The following RELN variants were observed in gnomAD, a reference collection of about 807,000 sequenced individuals.
RELN encodes the protein reelin.
A neutral mutation model predicts 427.6 loss-of-function variants in RELN; 108 were observed. That is an observed-to-expected ratio of 0.25 (90% CI 0.22 to 0.30). The LOEUF (loss-of-function observed/expected upper bound fraction) is 0.30, where lower values mean the gene tolerates loss of function less well. RELN is among the 10% of genes least tolerant of loss of function. The pLI, the probability that RELN is intolerant of heterozygous loss-of-function variation, is 1.00. For synonymous variants in RELN, 1,524 were observed against 1,513.4 expected, an observed-to-expected ratio of 1.01 and a Z score of -0.16; for missense variants, 3,715 against 4,302.8, an observed-to-expected ratio of 0.86 and a Z score of 3.82.
intron 1 of RELN, among the ~76,000 whole-genome samples, chr7:103,963,189 G>A (rs1050987279): frequency 7.6e-6 from 1 of 132,274 alleles, no homozygotes; most frequent in African/African-American, 3.0e-5. Context: ...TCATTCCTCT[G>A]TCTTCGCTTT....
chr7:103,528,400 A>T (rs1401244305), intron 46 of RELN, among the ~76,000 whole-genome samples: 1 of 152,106 alleles, frequency 6.6e-6, no homozygotes, highest in Non-Finnish European at 1.5e-5. Context: ...GTGGGGAGTG[A>T]CTGCTAATAA....
intron 2 of RELN, among the ~76,000 whole-genome samples, chr7:103,879,274 C>T (rs984021411): frequency 6.6e-6 from 1 of 152,186 alleles, no homozygotes; most frequent in African/African-American, 2.4e-5. Context: ...AGCTAATACA[C>T]ACAAAGTGCT....
At chr7:103,881,119 T>C (rs1288963567) in intron 2 of RELN, among the ~76,000 whole-genome samples, 1 of 152,168 alleles carries the variant, frequency 6.6e-6, no homozygotes, top group African/African-American at 2.4e-5. Context: ...CTCTTTTTTC[T>C]TTCTTTCAAT....
chr7:103,840,343 G>A (rs1185423751), intron 2 of RELN, among the ~76,000 whole-genome samples: 1 of 152,172 alleles, frequency 6.6e-6, no homozygotes, highest in Non-Finnish European at 1.5e-5. Context: ...AAGATTTTCC[G>A]TATTTGTTTT....
intron 2 of RELN, among the ~76,000 whole-genome samples, chr7:103,913,780 G>T (rs1795421733): frequency 6.6e-6 from 1 of 151,738 alleles, no homozygotes; most frequent in Non-Finnish European, 1.5e-5. Context: ...AATTAACTTT[G>T]TTATATAATA....
rs1796381990 is a variant in RELN at position 103,953,939 on chromosome 7, C to G, written c.226+35192G>C. Among the ~76,000 whole-genome samples, 1 of 151,290 alleles carries G rather than the reference C, an allele frequency of 6.6e-6. No homozygotes were observed. Among genetic ancestry groups the G allele is most frequent in the South Asian group, 2.1e-4 (1 of 4,794 alleles). ...AGAGCAAGACTCCATCTCAAAAAAACAAAACAAACAACAATAACAACAAAA... is the reference window on the plus strand; with the variant it reads ...AGAGCAAGACTCCATCTCAAAAAAAGAAAACAAACAACAATAACAACAAAA... On this transcript the variant is annotated intron_variant, in intron 1 of 64. Transcript: ENST00000428762. This position sits in a 1 kb window ranked among gnomAD's most constrained non-coding sequence, Gnocchi z 4.3.
intron 60 of RELN, among the ~76,000 whole-genome samples, chr7:103,489,203 G>GGTGGGTGT (rs1554362017): frequency 1.4e-5 from 2 of 147,868 alleles, no homozygotes; most frequent in Middle Eastern, 3.5e-3. Flanking sequence ...GTCATAAAGG[G>GGTGGGTGT]GTGTGTGTGT....
At chr7:103,491,207 CT>C (rs1828638331) in intron 58 of RELN, among the ~76,000 whole-genome samples, 1 of 152,016 alleles carries the variant, frequency 6.6e-6, no homozygotes, top group Admixed American at 6.5e-5. Context: ...AATAAGGTAA[CT>C]GAACTATGTC....
intron 60 of RELN, among the ~76,000 whole-genome samples, chr7:103,487,405 A>G (rs1404680046): frequency 5.3e-5 from 8 of 151,280 alleles, no homozygotes; most frequent in Admixed American, 1.3e-4. Flanking sequence ...AAAGTAGAAA[A>G]AAAAAAAGAG....
At chr7:103,961,855 T>C (rs1486305305) in intron 1 of RELN, among the ~76,000 whole-genome samples, 1 of 152,224 alleles carries the variant, frequency 6.6e-6, no homozygotes, top group African/African-American at 2.4e-5. Context: ...GTAGGAAGCA[T>C]GAAGTATTAG....
intron 1 of RELN, among the ~76,000 whole-genome samples, chr7:103,962,897 G>A (rs919415951): frequency 6.6e-6 from 1 of 152,088 alleles, no homozygotes; most frequent in African/African-American, 2.4e-5. Context: ...AGAAAATAGG[G>A]TAAACATAAG....
chr7:103,965,366 G>A (rs996956999), intron 1 of RELN, among the ~76,000 whole-genome samples: 1 of 152,180 alleles, frequency 6.6e-6, no homozygotes, highest in Non-Finnish European at 1.5e-5. Context: ...TTGTCCACGA[G>A]AAGAAAATGG....
At chr7:103,804,957 G>T (rs1792560494) in intron 3 of RELN, among the ~76,000 whole-genome samples, 1 of 152,042 alleles carries the variant, frequency 6.6e-6, no homozygotes, top group South Asian at 2.1e-4. Context: ...TCATCAGGAG[G>T]TCTAGCAGGG....
intron 4 of RELN, among the ~76,000 whole-genome samples, chr7:103,756,809 T>G (rs2116106988): frequency 6.6e-6 from 1 of 152,334 alleles, no homozygotes; most frequent in East Asian, 1.9e-4. Context: ...CTAAACATTA[T>G]TTCCTCAAAA....
Position 103,557,961 on chromosome 7 carries a change from T to G in RELN, c.5614+4A>C. On this transcript the variant is annotated splice_donor_region_variant and intron_variant, in intron 37 of 64. Transcript: ENST00000428762. Reference sequence around the variant, plus strand: ...TTGAAGGAAAATAATAAATTCATACTTACTTTTTGCTATAAATCTAAGTGA... The same window carrying G: ...TTGAAGGAAAATAATAAATTCATACGTACTTTTTGCTATAAATCTAAGTGA... The G allele has an allele frequency of 8.2e-7, 1 of 1,221,848 alleles. No homozygotes were observed. Among genetic ancestry groups the G allele is most frequent in the Non-Finnish European group, 1.2e-6 (1 of 822,566 alleles). 75.7% of individuals were successfully genotyped at this position (1,221,848 alleles called of 1,614,324 possible).
At chr7:103,893,673 C>T (rs961675246) in intron 2 of RELN, among the ~76,000 whole-genome samples, 3 of 152,120 alleles carry the variant, frequency 2.0e-5, no homozygotes, top group Non-Finnish European at 4.4e-5. Context: ...TCTTTTAATA[C>T]CACAGTCCAG....
chr7:103,593,450 G>A (rs1831466356), intron 27 of RELN, among the ~76,000 whole-genome samples: 1 of 152,146 alleles, frequency 6.6e-6, no homozygotes, highest in Non-Finnish European at 1.5e-5. Flanking sequence ...AGAGTTCCTT[G>A]AGTACCTAAA....
At chr7:103,670,804 C>T (rs77842274) in intron 11 of RELN, among the ~76,000 whole-genome samples, 17,032 of 151,718 alleles carry the variant, frequency 0.11, 1,106 homozygotes, top group African/African-American at 0.19. Flanking sequence ...AATATCTTAG[C>T]CAGATCCTTT....
chr7:103,982,410 T>C (rs10272734), intron 1 of RELN, among the ~76,000 whole-genome samples: 79,241 of 151,944 alleles, frequency 0.52, 20,819 homozygotes, highest in African/African-American at 0.59. Flanking sequence ...CCGACCTAAA[T>C]AGTTGATAAT....
Sources: gnomAD v4.1 joint callset for allele counts (sites outside exome capture counted in the v4.1 genomes callset) on GRCh38, gnomAD v4.1.1 for gene constraint, Gnocchi (gnomAD v3.1) non-coding constraint, MANE v1.5 for transcripts, NCBI Gene and HGNC (gene_info 2026-07-23, HGNC 2026-07-21) for gene names.